STON1: variants seen among roughly 807,000 people sequenced by gnomAD.
The protein encoded by STON1 is stonin 1.
STON1 carries 79 observed loss-of-function variants against 60.9 expected under a neutral mutation model. The observed-to-expected ratio is 1.30, with a 90% CI of 1.08 to 1.56. The LOEUF is 1.56. Among genes scored for constraint, STON1 ranks in the 40% most tolerant of loss-of-function variants. The probability of loss-of-function intolerance (pLI) is 0.00; values close to 1 mark genes in which losing one functional copy is unlikely to be tolerated. For missense variants in STON1, 1,166 were observed against 858.9 expected, an observed-to-expected ratio of 1.36 and a Z score of -4.47; for synonymous variants, 363 against 306.9, an observed-to-expected ratio of 1.18 and a Z score of -1.91.
intron 1 of STON1, among the ~76,000 whole-genome samples, chr2:48,546,010 CTCTTA>C (rs1211847686): frequency 6.6e-6 from 1 of 152,302 alleles, no homozygotes; most frequent in East Asian, 1.9e-4. Context: ...TCTTTCTCTC[CTCTTA>C]TATTTCATAC....
chr2:48,539,064 C>T lies in STON1; in HGVS notation c.-48+8848C>T, dbSNP rs575218202. 1.1e-4 allele frequency among the ~76,000 whole-genome samples: 17 copies of T among 151,980 alleles called. No individual in the cohort carries two copies. The East Asian group carries it at 2.3e-3, about 21-fold the overall frequency. ...TCCCTAGTAGCTGAGACTACAGGTGCGCACCACTATGCCCAGCAAAGTTTT... is the reference window on the plus strand; with the variant it reads ...TCCCTAGTAGCTGAGACTACAGGTGTGCACCACTATGCCCAGCAAAGTTTT... On this transcript the variant is annotated intron_variant, in intron 1 of 3. Transcript: ENST00000404752.
chr2:48,533,526 T>C (rs1671298711), intron 1 of STON1, among the ~76,000 whole-genome samples: 1 of 151,520 alleles, frequency 6.6e-6, no homozygotes. Flanking sequence ...CTGTCTCTAC[T>C]AAAAATATAG....
intron 2 of STON1, among the ~76,000 whole-genome samples, chr2:48,584,319 G>A (rs1674074302): frequency 6.6e-6 from 1 of 151,994 alleles, no homozygotes; most frequent in Admixed American, 6.6e-5. Flanking sequence ...TGTTGCTCAG[G>A]CTGGAGTGCA....
intron 1 of STON1, among the ~76,000 whole-genome samples, chr2:48,553,556 C>T (rs6759426): frequency 0.093 from 14,101 of 151,966 alleles, 917 homozygotes; most frequent in Middle Eastern, 0.2. Flanking sequence ...GGCATGGTCT[C>T]GGCTCACTGC....
chr2:48,545,000 T>G (rs1391339744), intron 1 of STON1, among the ~76,000 whole-genome samples: 2 of 152,238 alleles, frequency 1.3e-5, no homozygotes, highest in East Asian at 3.9e-4. Flanking sequence ...AGGCAGAGCC[T>G]TATACATTTT....
At chr2:48,564,480 T>TTTCTTCTTCTTCTTC (rs869188236) in intron 1 of STON1, among the ~76,000 whole-genome samples, 4 of 32,492 alleles carry the variant, frequency 1.2e-4, no homozygotes, top group Non-Finnish European at 2.6e-4. Context: ...CTTCTTCTTC[T>TTTCTTCTTCTTCTTC]TTCTTCTTCT....
chr2:48,551,323 G>A (rs1474795270), intron 1 of STON1, among the ~76,000 whole-genome samples: 1 of 152,208 alleles, frequency 6.6e-6, no homozygotes, highest in Non-Finnish European at 1.5e-5. Flanking sequence ...CTCCTGCAGT[G>A]AAGGAAGGTC....
intron 1 of STON1, among the ~76,000 whole-genome samples, chr2:48,569,502 T>A (rs754060190): frequency 1.3e-5 from 2 of 152,204 alleles, no homozygotes; most frequent in Admixed American, 1.3e-4. Context: ...AAAAGACCAT[T>A]TAAAATTATT....
At chr2:48,594,961 A>C (rs1674716547) in intron 3 of STON1, among the ~76,000 whole-genome samples, 1 of 152,158 alleles carries the variant, frequency 6.6e-6, no homozygotes, top group Non-Finnish European at 1.5e-5. Flanking sequence ...TTCTGTATAC[A>C]TTTTATAAAA....
chr2:48,580,908 C>T lies in STON1; in HGVS notation c.275C>T (p.Pro92Leu). Reference sequence around the variant, plus strand: ...CCTACCAAAGACTTCCCAGGTTTTCCTGGCATCCCCAAAGCAGGGACTCAT... The same window carrying T: ...CCTACCAAAGACTTCCCAGGTTTTCTTGGCATCCCCAAAGCAGGGACTCAT... The part of the protein sequence containing the change: ...STPTKDFPGF[P>L]GIPKAGTHVL... The change falls in exon 2 of 4, where the codon CCT becomes CTT. Residue 92 changes from proline to leucine, a missense_variant. Coordinates refer to ENST00000404752, the MANE Select transcript of STON1 (RefSeq NM_006873.4). 6.3e-7 allele frequency: 1 copy of T among 1,596,208 alleles called. No homozygotes were observed. Among genetic ancestry groups the T allele is most frequent in the Non-Finnish European group, 8.5e-7 (1 of 1,172,846 alleles).
chr2:48,564,579 C>CT (rs1672835151), intron 1 of STON1, among the ~76,000 whole-genome samples: 2 of 39,036 alleles, frequency 5.1e-5, no homozygotes, highest in Admixed American at 2.7e-4. Context: ...CCTTCTCCTT[C>CT]TCCTCCTCCT....
intron 1 of STON1, among the ~76,000 whole-genome samples, chr2:48,534,249 C>T (rs923801553): frequency 6.6e-5 from 10 of 152,210 alleles, no homozygotes; most frequent in Non-Finnish European, 1.3e-4. Context: ...CTAACATTTA[C>T]TGAGAACTAA....
intron 2 of STON1, among the ~76,000 whole-genome samples, chr2:48,587,832 G>A (rs577690216): frequency 9.2e-5 from 14 of 152,300 alleles, no homozygotes; most frequent in Admixed American, 7.8e-4. Flanking sequence ...GCACAAAGAG[G>A]AGGCCCAGGG....
chr2:48,566,029 G>A (rs1672926251), intron 1 of STON1, among the ~76,000 whole-genome samples: 2 of 152,162 alleles, frequency 1.3e-5, no homozygotes, highest in African/African-American at 2.4e-5. Flanking sequence ...GTTGGATTCT[G>A]TTCATATTAC....
intron 1 of STON1, among the ~76,000 whole-genome samples, chr2:48,565,091 C>T (rs1211740099): frequency 2.9e-5 from 4 of 138,042 alleles, no homozygotes; most frequent in African/African-American, 8.2e-5. Flanking sequence ...CTCGCTCTGT[C>T]GCCCAGGCTG....
At chr2:48,579,921 T>C (rs1673773443) in intron 1 of STON1, among the ~76,000 whole-genome samples, 1 of 152,148 alleles carries the variant, frequency 6.6e-6, no homozygotes, top group African/African-American at 2.4e-5. Context: ...TATATATATA[T>C]TTTCAGATGG....
intron 1 of STON1, among the ~76,000 whole-genome samples, chr2:48,570,257 C>T (rs1190902290): frequency 3.3e-5 from 5 of 152,074 alleles, no homozygotes; most frequent in South Asian, 2.1e-4. Context: ...ATCACTTGAA[C>T]CCGGGAGGTA....
At chr2:48,541,871 T>A (rs181969688) in intron 1 of STON1, among the ~76,000 whole-genome samples, 53 of 152,286 alleles carry the variant, frequency 3.5e-4, no homozygotes, top group Admixed American at 3.5e-3. Flanking sequence ...CCCTGCACGC[T>A]TACTGCGGTG....
chr2:48,588,553 G>T (rs1054568998), intron 2 of STON1, among the ~76,000 whole-genome samples: 2 of 152,054 alleles, frequency 1.3e-5, no homozygotes, highest in Non-Finnish European at 2.9e-5. Context: ...GTTTTGCCGT[G>T]TTGCTCAGGC....
Sources: gnomAD v4.1 joint callset for allele counts (sites outside exome capture counted in the v4.1 genomes callset) on GRCh38, gnomAD v4.1.1 for gene constraint, MANE v1.5 for transcripts, NCBI Gene and HGNC (gene_info 2026-07-23, HGNC 2026-07-21) for gene names.